Variants in COBL observed in about 807,000 individuals in gnomAD.
COBL encodes protein cordon-bleu.
In COBL, 51 loss-of-function variants were observed where a neutral mutation model predicts 98.8. That is an observed-to-expected ratio of 0.52 (90% CI 0.41 to 0.65). The LOEUF is 0.65. COBL is among the 30% of genes least tolerant of loss of function. COBL has a pLI of 0.00. For synonymous variants in COBL, 634 were observed against 651.7 expected, an observed-to-expected ratio of 0.97 and a Z score of 0.41; for missense variants, 1,617 against 1,617.5, an observed-to-expected ratio of 1.00 and a Z score of 0.01.
intron 7 of COBL, among the ~76,000 whole-genome samples, chr7:51,054,211 G>T (rs1040524698): frequency 3.3e-5 from 5 of 151,930 alleles, no homozygotes; most frequent in African/African-American, 1.2e-4. Flanking sequence ...AACAAACAAA[G>T]AACACATAAA....
At chr7:51,177,516 G>A (rs1337181469) in intron 5 of COBL, among the ~76,000 whole-genome samples, 1 of 152,180 alleles carries the variant, frequency 6.6e-6, no homozygotes, top group Non-Finnish European at 1.5e-5. Context: ...GCTCACGCCT[G>A]TAATCCCAGC....
rs532312622 is a variant in COBL at position 51,205,974 on chromosome 7, T to C, written c.246-12385A>G. ...GAACATCACCATCAGGAAAGTGCAA[T>C]TCAAAACCACAATATCACCTCACAC... On this transcript the variant is annotated intron_variant, in intron 2 of 12. Transcript: ENST00000265136. Among the ~76,000 whole-genome samples, 44 of 152,188 alleles carry C rather than the reference T, an allele frequency of 2.9e-4. No homozygotes were observed. The South Asian group carries it at 8.9e-3, about 31-fold the overall frequency.
At chr7:51,092,521 C>A (rs187418670) in intron 6 of COBL, among the ~76,000 whole-genome samples, 7 of 152,276 alleles carry the variant, frequency 4.6e-5, no homozygotes, top group Non-Finnish European at 8.8e-5. Context: ...TTACCAACAT[C>A]ATTTACTGAA....
chr7:51,191,542 G>GATATAT (rs139645519), intron 3 of COBL, among the ~76,000 whole-genome samples: 1 of 148,442 alleles, frequency 6.7e-6, no homozygotes, highest in Non-Finnish European at 1.5e-5. Flanking sequence ...TATGTACATA[G>GATATAT]ATATATATAT....
intron 1 of COBL, among the ~76,000 whole-genome samples, chr7:51,256,385 G>A (rs754037356): frequency 3.3e-5 from 5 of 152,144 alleles, no homozygotes; most frequent in Non-Finnish European, 7.3e-5. Context: ...TGACTCCCAG[G>A]GCCACAAGCA....
At chr7:51,255,178 A>C (rs964287718) in intron 1 of COBL, among the ~76,000 whole-genome samples, 1 of 152,206 alleles carries the variant, frequency 6.6e-6, no homozygotes, top group African/African-American at 2.4e-5. Context: ...AAACATTTAA[A>C]ATACATGATG....
chr7:51,272,043 T>C (rs771267464), intron 1 of COBL, among the ~76,000 whole-genome samples: 148 of 152,074 alleles, frequency 9.7e-4, no homozygotes, highest in Non-Finnish European at 1.9e-3. Context: ...AATAAATAAA[T>C]AAACAAACAA....
intron 7 of COBL, among the ~76,000 whole-genome samples, chr7:51,067,446 G>A (rs917452762): frequency 1.2e-4 from 19 of 152,202 alleles, no homozygotes; most frequent in African/African-American, 4.6e-4. Context: ...TATTGTGTGG[G>A]TATGCATACA....
intron 1 of COBL, among the ~76,000 whole-genome samples, chr7:51,222,521 G>T (rs1793746660): frequency 6.6e-6 from 1 of 152,012 alleles, no homozygotes; most frequent in African/African-American, 2.4e-5. Context: ...AGACAATTTG[G>T]TTTCAAAGCC....
At chr7:51,214,276 T>TA (rs781766941) in intron 2 of COBL, among the ~76,000 whole-genome samples, 24 of 121,464 alleles carry the variant, frequency 2.0e-4, no homozygotes, top group Non-Finnish European at 8.4e-5. Context: ...CTATTAAAAA[T>TA]AAATAAATAA....
intron 6 of COBL, among the ~76,000 whole-genome samples, chr7:51,116,564 T>C (rs1264324961): frequency 1.3e-5 from 2 of 152,272 alleles, no homozygotes; most frequent in South Asian, 2.1e-4. Context: ...AGTAATCTTA[T>C]ATATTTTGGA....
At chr7:51,046,458 G>C (rs945533973) in intron 7 of COBL, among the ~76,000 whole-genome samples, 6 of 152,100 alleles carry the variant, frequency 3.9e-5, no homozygotes, top group African/African-American at 1.4e-4. Flanking sequence ...CCTCCTTTCC[G>C]AGGTCTGCTC....
At chr7:51,272,007 T>A (rs1798804825) in intron 1 of COBL, among the ~76,000 whole-genome samples, 1 of 152,194 alleles carries the variant, frequency 6.6e-6, no homozygotes, top group African/African-American at 2.4e-5. Flanking sequence ...CCAGTCTGGG[T>A]GACAGAGCAA....
At chr7:51,152,071 A>G (rs1294063632) in intron 5 of COBL, among the ~76,000 whole-genome samples, 4 of 152,250 alleles carry the variant, frequency 2.6e-5, no homozygotes, top group Non-Finnish European at 4.4e-5. Context: ...TGATGCACAC[A>G]TTCCATAACG....
At chr7:51,315,274 AG>A (rs1803433707) in intron 1 of COBL, among the ~76,000 whole-genome samples, 8 of 149,804 alleles carry the variant, frequency 5.3e-5, no homozygotes, top group Admixed American at 4.0e-4. Context: ...AAAAAAAAAG[AG>A]AGAGAGAAAG....
chr7:51,182,497 G>T (rs113154404), intron 5 of COBL, among the ~76,000 whole-genome samples: 2,152 of 152,106 alleles, frequency 0.014, 48 homozygotes, highest in African/African-American at 0.05. Context: ...GGCCAGGCTG[G>T]TCTCGAACTC....
At chr7:51,248,001 T>TG (rs1466891618) in intron 1 of COBL, among the ~76,000 whole-genome samples, 2 of 151,982 alleles carry the variant, frequency 1.3e-5, no homozygotes, top group African/African-American at 4.8e-5. Flanking sequence ...TAGCTGGGCA[T>TG]GGTGGTGCAC....
chr7:51,038,736 C>CT (rs1788875317), intron 8 of COBL, among the ~76,000 whole-genome samples: 1 of 152,182 alleles, frequency 6.6e-6, no homozygotes, highest in Non-Finnish European at 1.5e-5. Flanking sequence ...CAGAGACTTT[C>CT]TGCAAGCTGA....
At chr7:51,263,685 C>T (rs930886831) in intron 1 of COBL, among the ~76,000 whole-genome samples, 6 of 152,050 alleles carry the variant, frequency 3.9e-5, no homozygotes, top group Non-Finnish European at 7.4e-5. Flanking sequence ...GGTGTCAGCA[C>T]CAGCAGGTCT....
Sources: allele counts gnomAD v4.1 joint callset (sites outside exome capture counted in the v4.1 genomes callset), GRCh38; gene constraint gnomAD v4.1.1; transcripts MANE v1.5; gene names NCBI Gene and HGNC (gene_info 2026-07-23, HGNC 2026-07-21).